The following PHF21A variants were observed in gnomAD, a reference collection of about 807,000 sequenced individuals.
PHF21A encodes PHD finger protein 21A.
Under a neutral mutation model 82.5 loss-of-function variants are expected in PHF21A, and 11 were observed. The observed-to-expected ratio is 0.13, with a 90% CI of 0.08 to 0.22. The LOEUF (loss-of-function observed/expected upper bound fraction) is 0.22. Ranked by LOEUF, PHF21A falls within the 10% of genes least tolerant of loss-of-function variation. The pLI, the probability that PHF21A is intolerant of heterozygous loss-of-function variation, is 1.00. For synonymous variants in PHF21A, 297 were observed against 302.8 expected (o/e 0.98, Z 0.20); for missense variants, 579 against 837.8 (o/e 0.69, Z 3.81).
At chr11:46,034,867 A>C (rs2095959015) in intron 6 of PHF21A, among the ~76,000 whole-genome samples, 1 of 152,182 alleles carries the variant, frequency 6.6e-6, no homozygotes, top group African/African-American at 2.4e-5. Context: ...ACACAAATCA[A>C]AGTACTTCCT....
intron 6 of PHF21A, among the ~76,000 whole-genome samples, chr11:46,061,695 C>T (rs1045083846): frequency 6.6e-6 from 1 of 152,178 alleles, no homozygotes; most frequent in Non-Finnish European, 1.5e-5. Context: ...TCCTGTCCAA[C>T]CTAAACTGGC....
chr11:46,050,016 A>G (rs751860563), intron 6 of PHF21A, among the ~76,000 whole-genome samples: 2 of 152,358 alleles, frequency 1.3e-5, no homozygotes, highest in Non-Finnish European at 2.9e-5. Flanking sequence ...CACATGTTCA[A>G]TTTGCTGTAG....
chr11:46,037,171 T>G (rs925222074), intron 6 of PHF21A, among the ~76,000 whole-genome samples: 1 of 152,226 alleles, frequency 6.6e-6, no homozygotes, highest in Non-Finnish European at 1.5e-5. Context: ...TTCTGACTAA[T>G]TCGGTGCACA....
chr11:46,041,256 A>G (rs980464988), intron 6 of PHF21A, among the ~76,000 whole-genome samples: 6 of 152,154 alleles, frequency 3.9e-5, no homozygotes, highest in Admixed American at 1.3e-4. Context: ...ATATATACTA[A>G]TATGTCGCTA....
At chr11:46,082,039 G>A (rs1193023031) in intron 4 of PHF21A, among the ~76,000 whole-genome samples, 2 of 152,082 alleles carry the variant, frequency 1.3e-5, no homozygotes, top group Admixed American at 1.3e-4. Context: ...ATCAAAAAAG[G>A]GAGGAGGAAA....
At chr11:46,104,595 G>C (rs2097133991) in intron 1 of PHF21A, among the ~76,000 whole-genome samples, 1 of 151,722 alleles carries the variant, frequency 6.6e-6, no homozygotes, top group South Asian at 2.1e-4. Context: ...TTTCAAGGGA[G>C]AAAAAAAACC....
At chr11:46,012,805 C>T (rs1172857887) in intron 6 of PHF21A, among the ~76,000 whole-genome samples, 1 of 152,198 alleles carries the variant, frequency 6.6e-6, no homozygotes, top group Non-Finnish European at 1.5e-5. Flanking sequence ...CTTGCAGTTT[C>T]TCATCTTAAT....
intron 6 of PHF21A, among the ~76,000 whole-genome samples, chr11:46,021,082 C>T (rs938855205): frequency 1.4e-5 from 2 of 147,420 alleles, no homozygotes; most frequent in Non-Finnish European, 3.0e-5. Flanking sequence ...AAAAGAGAGA[C>T]AAGGTCTTAC....
chr11:45,965,190 G>T, intron 10 of PHF21A, 125 bp downstream of exon 10: 1 of 785,958 alleles, frequency 1.3e-6, no homozygotes. Flanking sequence ...GCACATAAGC[G>T]ACAGCTTACT....
chr11:46,081,707 T>C (rs548396730), intron 4 of PHF21A, among the ~76,000 whole-genome samples: 2 of 152,366 alleles, frequency 1.3e-5, no homozygotes, highest in African/African-American at 4.8e-5. Flanking sequence ...TGCGGCAATA[T>C]TTCTTGAGGA....
At chr11:45,983,307 A>G (rs1360024544) in intron 6 of PHF21A, among the ~76,000 whole-genome samples, 2 of 152,134 alleles carry the variant, frequency 1.3e-5, no homozygotes, top group Non-Finnish European at 2.9e-5. Context: ...GAGGAGGGAA[A>G]AAAAAAAGGA....
intron 9 of PHF21A, among the ~76,000 whole-genome samples, chr11:45,968,808 T>G (rs770233815): frequency 7.9e-5 from 12 of 151,796 alleles, no homozygotes; most frequent in Non-Finnish European, 1.6e-4. Context: ...CACATGCATG[T>G]AATCCCCAAC....
intron 6 of PHF21A, among the ~76,000 whole-genome samples, chr11:46,017,584 A>G (rs2095541901): frequency 6.7e-6 from 1 of 148,820 alleles, no homozygotes; most frequent in Non-Finnish European, 1.5e-5. Context: ...TTAAGGGGGA[A>G]AAAAAAAAAA....
intron 3 of PHF21A, among the ~76,000 whole-genome samples, chr11:46,089,450 G>A (rs1242282464): frequency 2.0e-5 from 3 of 151,998 alleles, no homozygotes. Flanking sequence ...ATAATGTAAT[G>A]TCTATTTTCT....
rs372765921 is a variant in PHF21A, at chr11:46,027,327, CCTTA to C, written c.154-47365_154-47362del. Among the ~76,000 whole-genome samples, 3 of 152,308 alleles carry C rather than the reference CCTTA, an allele frequency of 2.0e-5. No homozygotes were observed. The South Asian group carries it at 6.2e-4, about 32-fold the overall frequency. The stretch of plus-strand genomic sequence containing the variant: ...TTCCATGCTAATCTGCCATCGTTTA[CCTTA>C]TTTATACATGTATAAGGGGTTTAAC... On this transcript the variant is annotated intron_variant, in intron 6 of 18. Transcript: ENST00000676320.
chr11:46,104,658 A>T (rs1180290299), intron 1 of PHF21A, among the ~76,000 whole-genome samples: 1 of 152,168 alleles, frequency 6.6e-6, no homozygotes, highest in Non-Finnish European at 1.5e-5. Context: ...TTTTAGTGGG[A>T]CTGTAATAAT....
At chr11:45,948,829 A>G (rs2091689289) in intron 14 of PHF21A, 57 bp downstream of exon 14, 1 of 1,239,450 alleles carries the variant, frequency 8.1e-7, no homozygotes, top group Non-Finnish European at 1.2e-6. Context: ...AGGAGAAGAA[A>G]CACACACACA....
chr11:46,054,992 G>A (rs2139287611), intron 6 of PHF21A, among the ~76,000 whole-genome samples: 1 of 152,244 alleles, frequency 6.6e-6, no homozygotes, highest in South Asian at 2.1e-4. Context: ...ACCTTCATTT[G>A]CTAATCTTGT....
At chr11:45,968,931 CAAAAAAAAAAAA>C (rs59583388) in intron 9 of PHF21A, among the ~76,000 whole-genome samples, 48 of 85,664 alleles carry the variant, frequency 5.6e-4, no homozygotes, top group South Asian at 2.1e-3. Flanking sequence ...AACTCCATTG[CAAAAAAAAAAAA>C]AAAAAAAAAA....
Sources: allele counts gnomAD v4.1 joint callset (sites outside exome capture counted in the v4.1 genomes callset), GRCh38; gene constraint gnomAD v4.1.1; transcripts MANE v1.5; gene names NCBI Gene and HGNC (gene_info 2026-07-23, HGNC 2026-07-21).